SYNRG: variants seen among roughly 807,000 people sequenced by gnomAD.
SYNRG encodes synergin gamma, also known as AP1 gamma subunit binding protein 1.
Under a neutral mutation model 130.9 loss-of-function variants are expected in SYNRG, and 37 were observed. That is an observed-to-expected ratio of 0.28 (90% CI 0.22 to 0.37). The LOEUF is 0.37. Ranked by LOEUF, SYNRG falls within the 10% of genes least tolerant of loss-of-function variation. The pLI is 1.00. For synonymous variants in SYNRG, 539 were observed against 568.1 expected (o/e 0.95, Z 0.73); for missense variants, 1,338 against 1,588.9 (o/e 0.84, Z 2.68).
chr17:37,548,840 A>AG (rs1174363673), intron 14 of SYNRG, among the ~76,000 whole-genome samples: 1 of 148,362 alleles, frequency 6.7e-6, no homozygotes, highest in Non-Finnish European at 1.5e-5. Context: ...AAAAAAAAAA[A>AG]AAACACACAA....
chr17:37,568,913 T>C lies in SYNRG; in HGVS notation c.1359A>G (p.Pro453=), dbSNP rs2060201686. Residue 453 remains proline, a synonymous_variant, in exon 11 of 22, where the codon CCA becomes CCG. Transcript: ENST00000612223. ...PTYPANQVVK[P]EEDDFQDFQD... is the part of the protein sequence containing the mutation. ...GAAAATCCTGGAAGTCATCTTCTTC[T>C]GGCTTTACTACCTAGGTTTATAAAG... is the stretch of plus-strand genomic sequence containing the variant. 1.2e-6 allele frequency: 2 copies of C among 1,613,816 alleles called. No homozygotes were observed. The highest frequency in any genetic ancestry group is 8.5e-7 in the Non-Finnish European group (1 of 1,179,814).
At chr17:37,531,989 T>C (rs2056680569) in intron 19 of SYNRG, among the ~76,000 whole-genome samples, 1 of 152,224 alleles carries the variant, frequency 6.6e-6, no homozygotes, top group Non-Finnish European at 1.5e-5. Context: ...TTGTCTCTAA[T>C]TTTTCACGTT....
In SYNRG at chr17:37,609,416, C is replaced by T. The variant is rs988029725; in HGVS notation, c.-61G>A. On this transcript the variant is annotated 5_prime_UTR_variant, in exon 1 of 22. Coordinates refer to ENST00000612223, the MANE Select transcript of SYNRG (RefSeq NM_007247.6). ...ACCTTATCAGCAGCTGTCAGCTGAA[C>T]ACAGCCACTTCCGGGTCAAACACCA... is the stretch of plus-strand genomic sequence containing the variant. 6 of 1,345,530 alleles carry T rather than the reference C, an allele frequency of 4.5e-6. No individual in the cohort carries two copies. In the South Asian group the frequency reaches 5.4e-5, roughly 12 times the overall value. The allele number at this position is 1,345,530 out of a possible 1,614,324, so 83.3% of individuals were successfully genotyped here.
intron 1 of SYNRG, among the ~76,000 whole-genome samples, chr17:37,607,177 T>G (rs1318322678): frequency 6.6e-6 from 1 of 152,162 alleles, no homozygotes; most frequent in Non-Finnish European, 1.5e-5. Context: ...AATGCAGATG[T>G]TGCTACATTT....
chr17:37,562,992 G>GA lies in SYNRG; in HGVS notation c.1482-1404dup, dbSNP rs886332472. On this transcript the variant is annotated intron_variant, in intron 11 of 21. Coordinates refer to ENST00000612223, the MANE Select transcript of SYNRG (RefSeq NM_007247.6). ...TTTTAAAATTATATTCACAGAATTG[G>GA]AAAAAAAAACAACAACAGAATCTTT... Among the ~76,000 whole-genome samples, 137 of 148,570 alleles carry GA rather than the reference G, an allele frequency of 9.2e-4. No individual in the cohort carries two copies. The Middle Eastern group carries it at 0.014, about 15-fold the overall frequency.
At chr17:37,519,346 G>C (rs2054698258) in intron 21 of SYNRG, among the ~76,000 whole-genome samples, 1 of 152,164 alleles carries the variant, frequency 6.6e-6, no homozygotes, top group Non-Finnish European at 1.5e-5. Context: ...GGGTGGAGGG[G>C]GGGAATCATG....
chr17:37,549,394 T>G (rs1028123241), intron 14 of SYNRG, among the ~76,000 whole-genome samples: 3 of 152,186 alleles, frequency 2.0e-5, no homozygotes, highest in African/African-American at 7.2e-5. Flanking sequence ...TTGCCACATT[T>G]CATTGGTCCT....
rs1291862751 is a variant in SYNRG, at chr17:37,541,991, G to A, written c.3183C>T (p.Thr1061=). 1 of 1,613,962 alleles carries A rather than the reference G, an allele frequency of 6.2e-7. No individual in the cohort carries two copies. The highest frequency in any genetic ancestry group is 8.5e-7 in the Non-Finnish European group (1 of 1,179,834). ...SEEMIKSELA[T]FDLSVQGSHK... The stretch of plus-strand genomic sequence containing the variant: ...ACTCACCTTGAACAGAAAGGTCAAA[G>A]GTTGCCAGCTCACTTTTGATCATTT... The change falls in exon 15 of 22, where the codon ACC becomes ACT. Residue 1061 remains threonine (T), a synonymous_variant. Transcript: ENST00000612223.
At chr17:37,609,250 C>A in intron 1 of SYNRG, 29 bp downstream of exon 1, 1 of 1,411,938 alleles carries the variant, frequency 7.1e-7, no homozygotes, top group Non-Finnish European at 9.2e-7. Flanking sequence ...CGGAGGCCAG[C>A]GGGCTCCCGC....
intron 13 of SYNRG, among the ~76,000 whole-genome samples, chr17:37,554,880 G>T (rs1472849935): frequency 1.3e-5 from 2 of 152,068 alleles, no homozygotes; most frequent in Non-Finnish European, 2.9e-5. Flanking sequence ...GTTTTAGAGG[G>T]TATGACTTAG....
intron 11 of SYNRG, 126 bp from the exon 12 acceptor site, chr17:37,561,715 G>C: frequency 7.8e-6 from 5 of 637,608 alleles, no homozygotes; most frequent in Non-Finnish European, 1.1e-5. Context: ...TTAAAAGTTA[G>C]AAAACTATAT....
intron 3 of SYNRG, among the ~76,000 whole-genome samples, chr17:37,595,815 C>T (rs987799805): frequency 2.0e-5 from 3 of 148,688 alleles, no homozygotes; most frequent in Non-Finnish European, 4.4e-5. Context: ...AGTACAGTGG[C>T]ATGATCTTGG....
chr17:37,554,933 C>T (rs573849655), intron 13 of SYNRG, among the ~76,000 whole-genome samples: 16 of 152,086 alleles, frequency 1.1e-4, no homozygotes, highest in East Asian at 1.9e-4. Context: ...GGGTAACTGA[C>T]GGAATTGTTT....
chr17:37,599,454 C>T (rs978559148), intron 2 of SYNRG, among the ~76,000 whole-genome samples: 1 of 152,208 alleles, frequency 6.6e-6, no homozygotes, highest in African/African-American at 2.4e-5. Flanking sequence ...GATGTGGTGG[C>T]TCATGCCTGT....
intron 6 of SYNRG, among the ~76,000 whole-genome samples, chr17:37,582,983 G>A (rs1598504816): frequency 6.6e-6 from 1 of 151,710 alleles, no homozygotes; most frequent in East Asian, 1.9e-4. Flanking sequence ...AATACTTTAG[G>A]ACTAGGTTTT....
chr17:37,559,664 T>TG lies in SYNRG; in HGVS notation c.1663+1530dup, dbSNP rs560788429. ...AAGATCATGCCATTGCACTCTAGCC[T>TG]GGTTGACAAAAATAAAACTCTGTTT... is the stretch of plus-strand genomic sequence containing the variant. On this transcript the variant is annotated intron_variant, in intron 13 of 21. Transcript: ENST00000612223. Among the ~76,000 whole-genome samples, 30 of 152,234 alleles carry TG rather than the reference T, an allele frequency of 2.0e-4. No homozygotes were observed. In the East Asian group the frequency reaches 5.8e-3, roughly 29 times the overall value.
intron 19 of SYNRG, among the ~76,000 whole-genome samples, chr17:37,533,420 C>G (rs757482050): frequency 4.0e-5 from 6 of 149,552 alleles, no homozygotes; most frequent in African/African-American, 7.4e-5. Context: ...AAAAACAAAA[C>G]AGTCTGGTAG....
At chr17:37,578,460 A>G (rs763481700) in intron 6 of SYNRG, among the ~76,000 whole-genome samples, 73 of 152,380 alleles carry the variant, frequency 4.8e-4, no homozygotes, top group Non-Finnish European at 8.8e-4. Context: ...TCTATGAGAC[A>G]GTAGGTGGAA....
intron 4 of SYNRG, among the ~76,000 whole-genome samples, chr17:37,585,714 C>T (rs944233971): frequency 2.0e-5 from 3 of 152,078 alleles, no homozygotes; most frequent in Admixed American, 1.3e-4. Context: ...AAAGTATTCT[C>T]GAAAAACAGG....
Sources: allele counts gnomAD v4.1 joint callset (sites outside exome capture counted in the v4.1 genomes callset), GRCh38; gene constraint gnomAD v4.1.1; transcripts MANE v1.5; gene names NCBI Gene and HGNC (gene_info 2026-07-23, HGNC 2026-07-21).